DMTF1: variants seen among roughly 807,000 people sequenced by gnomAD.
The protein encoded by DMTF1 is cyclin D binding myb like transcription factor 1.
Under a neutral mutation model 91.1 loss-of-function variants are expected in DMTF1, and 39 were observed. That is an observed-to-expected ratio of 0.43 (90% CI 0.33 to 0.56). DMTF1 has a LOEUF of 0.56. DMTF1 is among the 20% of genes least tolerant of loss of function. The pLI is 0.05. For missense variants in DMTF1, 750 were observed against 914.5 expected (o/e 0.82, Z 2.32); for synonymous variants, 338 against 309.5 (o/e 1.09, Z -0.97).
chr7:87,182,486 T>C (rs1797571254), intron 10 of DMTF1, 149 bp downstream of exon 10: 1 of 700,508 alleles, frequency 1.4e-6, no homozygotes, highest in African/African-American at 1.8e-5. Flanking sequence ...TCCTTGAGCT[T>C]ATTAGATATA....
chr7:87,179,413 A>T, intron 7 of DMTF1, 132 bp from the exon 8 acceptor site: 1 of 612,730 alleles, frequency 1.6e-6, no homozygotes, highest in Non-Finnish European at 2.4e-6. Flanking sequence ...TTGATTTATT[A>T]ATGAATTAGT....
At chr7:87,175,493 G>GGATT (rs1162250943) in intron 7 of DMTF1, among the ~76,000 whole-genome samples, 105 of 152,248 alleles carry the variant, frequency 6.9e-4, no homozygotes, top group African/African-American at 2.5e-3. Flanking sequence ...GTTAAGGCAT[G>GGATT]GATTGCTTTA....
chr7:87,181,513 C>T (rs557481078), intron 9 of DMTF1, among the ~76,000 whole-genome samples, 172 bp downstream of exon 9: 1 of 152,276 alleles, frequency 6.6e-6, no homozygotes, highest in East Asian at 1.9e-4. Flanking sequence ...CACAAAATAA[C>T]CATTCTCATA....
chr7:87,188,114 G>A lies in DMTF1; in HGVS notation c.1224G>A (p.Gln408=), dbSNP rs961083283. The A allele has an allele frequency of 1.9e-6, 3 of 1,613,698 alleles. No homozygotes were observed. Among genetic ancestry groups the A allele is most frequent in the Admixed American group, 1.7e-5 (1 of 59,946 alleles). Residue 408 remains glutamine (Q), a synonymous_variant, in exon 13 of 18, where the codon CAG becomes CAA. Transcript: ENST00000331242. ...SFPVLIKGLK[Q]LHENQKNNPT... Reference sequence around the variant, plus strand: ...CAGTCTTAATAAAAGGTCTTAAACAGTTACATGAGAACCAAAAAAACAACC... The same window carrying A: ...CAGTCTTAATAAAAGGTCTTAAACAATTACATGAGAACCAAAAAAACAACC...
intron 16 of DMTF1, 44 bp downstream of exon 16, chr7:87,194,146 G>A: frequency 6.6e-7 from 1 of 1,509,952 alleles, no homozygotes; most frequent in Non-Finnish European, 8.8e-7. Flanking sequence ...CTTGCCTTGA[G>A]CCTCAAACCT....
In DMTF1 at chr7:87,174,631, A is replaced by AT; in HGVS notation, c.483dup (p.Asp162Ter). The AT allele has an allele frequency of 6.2e-7, 1 of 1,610,896 alleles. No individual in the cohort carries two copies. Among genetic ancestry groups the AT allele is most frequent in the Non-Finnish European group, 8.5e-7 (1 of 1,177,912 alleles). On this transcript the variant is annotated frameshift_variant, in exon 7 of 18. Transcript: ENST00000331242. LOFTEE classifies it high-confidence loss of function. ...GCAGGGGATGTGGTCCAAGGAAGAA[A>AT]TTGATATTTTGATGAACAATATTGA... is the stretch of plus-strand genomic sequence containing the variant.
At chr7:87,176,978 G>T (rs983376735) in intron 7 of DMTF1, among the ~76,000 whole-genome samples, 1 of 152,130 alleles carries the variant, frequency 6.6e-6, no homozygotes, top group African/African-American at 2.4e-5. Context: ...TGGTCATCCT[G>T]CAACACAGTG....
chr7:87,166,396 TAGATA>T, intron 3 of DMTF1, 82 bp from the exon 4 acceptor site: 1 of 1,385,492 alleles, frequency 7.2e-7, no homozygotes, highest in Non-Finnish European at 9.8e-7. Context: ...ATTTTTTTAA[TAGATA>T]AGAAAATTGT....
At chr7:87,180,067 C>T (rs976533778) in intron 8 of DMTF1, among the ~76,000 whole-genome samples, 1 of 152,088 alleles carries the variant, frequency 6.6e-6, no homozygotes, top group Admixed American at 6.5e-5. Context: ...ATTCCTAGGT[C>T]AGTGGCCTTT....
chr7:87,161,947 A>G (rs934572936), intron 1 of DMTF1, among the ~76,000 whole-genome samples: 1 of 152,206 alleles, frequency 6.6e-6, no homozygotes, highest in Non-Finnish European at 1.5e-5. Context: ...ATATCCTTTG[A>G]TTTAACAATT....
At chr7:87,187,689 G>C (rs1335976346) in intron 12 of DMTF1, 2 of 203,990 alleles carry the variant, frequency 9.8e-6, no homozygotes, top group Non-Finnish European at 2.0e-5. Flanking sequence ...CAACAGTCAA[G>C]GGCCCTTCAG....
chr7:87,187,537 C>T (rs983973758), intron 12 of DMTF1: 6 of 154,002 alleles, frequency 3.9e-5, no homozygotes, highest in Admixed American at 3.9e-4. Context: ...AAGACCTTGT[C>T]TAAAAATAAA....
chr7:87,189,869 A>T (rs1799343806), intron 13 of DMTF1, among the ~76,000 whole-genome samples: 2 of 152,108 alleles, frequency 1.3e-5, no homozygotes, highest in African/African-American at 4.8e-5. Flanking sequence ...ATTTAGTTTT[A>T]TCTGGAATCA....
rs1157342320 is a variant in DMTF1 at position 87,184,620 on chromosome 7, C to G, written c.1044C>G (p.Ile348Met). 6.2e-7 allele frequency: 1 copy of G among 1,612,858 alleles called. No homozygotes were observed. The highest frequency in any genetic ancestry group is 8.5e-7 in the Non-Finnish European group (1 of 1,179,114). Residue 348 changes from isoleucine to methionine, a missense_variant, in exon 11 of 18, where the codon ATC becomes ATG. Coordinates refer to ENST00000331242, the MANE Select transcript of DMTF1 (RefSeq NM_001142327.2). The stretch of plus-strand genomic sequence containing the variant: ...CCAAGGAAGATGAAATCAATCTCAT[C>G]CTCAGGTTTGTGTCCTGAATCTTGT... The part of the protein sequence containing the change: ...EWTKEDEINL[I>M]LRIAELDVAD...
chr7:87,161,651 C>T (rs1467194821), intron 1 of DMTF1, among the ~76,000 whole-genome samples: 1 of 152,192 alleles, frequency 6.6e-6, no homozygotes, highest in Non-Finnish European at 1.5e-5. Flanking sequence ...ATTCACTAAT[C>T]TCTAACATGA....
chr7:87,160,659 T>G (rs1792088339), intron 1 of DMTF1, among the ~76,000 whole-genome samples: 1 of 152,208 alleles, frequency 6.6e-6, no homozygotes, highest in Non-Finnish European at 1.5e-5. Context: ...CAAAACTACT[T>G]TTGTTAAAGG....
chr7:87,156,169 G>T (rs1163250104), intron 1 of DMTF1, among the ~76,000 whole-genome samples: 1 of 152,140 alleles, frequency 6.6e-6, no homozygotes, highest in Non-Finnish European at 1.5e-5. Flanking sequence ...ATAACACATT[G>T]TAAGCTCCTG....
chr7:87,166,773 G>A (rs994869011), intron 4 of DMTF1, among the ~76,000 whole-genome samples, 168 bp downstream of exon 4: 7 of 151,538 alleles, frequency 4.6e-5, no homozygotes, highest in Admixed American at 3.3e-4. Context: ...CAGGCATATC[G>A]TTAAATACTT....
intron 7 of DMTF1, among the ~76,000 whole-genome samples, chr7:87,178,190 G>A (rs1434972517): frequency 6.6e-6 from 1 of 152,050 alleles, no homozygotes; most frequent in Non-Finnish European, 1.5e-5. Context: ...TTGATAACTT[G>A]CCTAAGTTCT....
Sources: allele counts gnomAD v4.1 joint callset (sites outside exome capture counted in the v4.1 genomes callset), GRCh38; gene constraint gnomAD v4.1.1; transcripts MANE v1.5; gene names NCBI Gene and HGNC (gene_info 2026-07-23, HGNC 2026-07-21).